Variants in LRRFIP1 observed in about 807,000 individuals in gnomAD.
LRRFIP1 encodes the protein leucine-rich repeat flightless-interacting protein 1.
In LRRFIP1, 62 loss-of-function variants were observed where a neutral mutation model predicts 104.4. That is an observed-to-expected ratio of 0.59 (90% CI 0.48 to 0.73). The LOEUF (loss-of-function observed/expected upper bound fraction) is 0.73, where lower values mean the gene tolerates loss of function less well. Ranked by LOEUF, LRRFIP1 falls within the 30% of genes least tolerant of loss-of-function variation. The pLI is 0.00. For missense variants in LRRFIP1, 796 were observed against 824.5 expected (o/e 0.97, Z 0.42); for synonymous variants, 300 against 299.0 (o/e 1.00, Z -0.03).
At chr2:237,774,840 G>A (rs998224207) in intron 23 of LRRFIP1, among the ~76,000 whole-genome samples, 1 of 152,252 alleles carries the variant, frequency 6.6e-6, no homozygotes, top group African/African-American at 2.4e-5. Context: ...GCCAAGAGCT[G>A]GGTGTGGCAC....
chr2:237,748,420 C>CT, intron 12 of LRRFIP1, 21 bp downstream of exon 12: 1 of 1,581,690 alleles, frequency 6.3e-7, no homozygotes, highest in Non-Finnish European at 8.6e-7. Flanking sequence ...GTTCATAAAC[C>CT]TAGAGGGTCC....
chr2:237,749,845 G>T (rs1227082919), intron 13 of LRRFIP1, among the ~76,000 whole-genome samples: 1 of 151,984 alleles, frequency 6.6e-6, no homozygotes, highest in African/African-American at 2.4e-5. Flanking sequence ...ATTATTCTCT[G>T]CTCTATCCTC....
chr2:237,747,045 C>T (rs1257745073), intron 11 of LRRFIP1, among the ~76,000 whole-genome samples: 1 of 152,218 alleles, frequency 6.6e-6, no homozygotes, highest in Admixed American at 6.5e-5. Context: ...TTTTTGAACA[C>T]CCAGGTGTGG....
chr2:237,776,018 G>A lies in LRRFIP1; in HGVS notation c.1812+1556G>A, dbSNP rs1421870888. 2.0e-5 allele frequency among the ~76,000 whole-genome samples: 3 copies of A among 151,896 alleles called. No homozygotes were observed. The South Asian group carries it at 6.2e-4, about 32-fold the overall frequency. Reference sequence around the variant, plus strand: ...GTCTGACTCTTGCCCAGGCTGGAGTGCAATGGCGCCATCTCGGCTCACTGC... The same window carrying A: ...GTCTGACTCTTGCCCAGGCTGGAGTACAATGGCGCCATCTCGGCTCACTGC... On this transcript the variant is annotated intron_variant, in intron 23 of 23. Coordinates refer to ENST00000308482, the MANE Select transcript of LRRFIP1 (RefSeq NM_001137550.2).
chr2:237,652,478 G>A (rs917891333), intron 1 of LRRFIP1, among the ~76,000 whole-genome samples: 1 of 152,222 alleles, frequency 6.6e-6, no homozygotes, highest in African/African-American at 2.4e-5. Context: ...GATGAGAGCT[G>A]GTTCAGTGGA....
At chr2:237,769,661 T>C (rs2060457745) in intron 19 of LRRFIP1, 4 of 397,634 alleles carry the variant, frequency 1.0e-5, no homozygotes, top group African/African-American at 4.0e-5. Context: ...GGTTTGGCCC[T>C]AGCGTTCTTG....
At chr2:237,720,680 C>A in intron 5 of LRRFIP1, 92 bp from the exon 6 acceptor site, 2 of 1,145,568 alleles carry the variant, frequency 1.7e-6, no homozygotes, top group Non-Finnish European at 2.6e-6. Flanking sequence ...GGGTTGGGGT[C>A]AGTTCCCAGC....
chr2:237,724,015 G>A (rs116207596), intron 7 of LRRFIP1, among the ~76,000 whole-genome samples: 2,023 of 150,296 alleles, frequency 0.013, 24 homozygotes, highest in African/African-American at 0.045. Context: ...TTATTTTCCA[G>A]TCTATATCCA....
intron 8 of LRRFIP1, chr2:237,729,721 C>T: frequency 1.2e-6 from 1 of 852,846 alleles, no homozygotes; most frequent in South Asian, 5.4e-5. Flanking sequence ...GATGGGGGTG[C>T]TTTTGGAGTC....
chr2:237,708,910 C>A, intron 2 of LRRFIP1: 1 of 561,116 alleles, frequency 1.8e-6, no homozygotes, highest in Non-Finnish European at 3.4e-6. Flanking sequence ...CCAAAATGTT[C>A]AGGGTCTGAG....
rs2060776362 is a variant in LRRFIP1, at chr2:237,772,958, A to C, written c.1707+13A>C. On this transcript the variant is annotated intron_variant, in intron 22 of 23. Transcript: ENST00000308482. The stretch of plus-strand genomic sequence containing the variant: ...ATTAGAACAAAATGTACGTGTAAGC[A>C]ACAACGGGCAGAACTGATGATTGAC... The C allele has an allele frequency of 1.6e-5, 26 of 1,597,230 alleles. No individual in the cohort carries two copies. Among genetic ancestry groups the C allele is most frequent in the Non-Finnish European group, 2.1e-5 (25 of 1,164,722 alleles).
intron 15 of LRRFIP1, among the ~76,000 whole-genome samples, chr2:237,755,283 T>C (rs757295296): frequency 7.2e-5 from 11 of 152,042 alleles, no homozygotes; most frequent in Non-Finnish European, 1.3e-4. Flanking sequence ...TCCCCCAAAC[T>C]CTCCTGTTTT....
chr2:237,773,673 C>T (rs1035862696), intron 22 of LRRFIP1, among the ~76,000 whole-genome samples: 1 of 152,236 alleles, frequency 6.6e-6, no homozygotes, highest in Non-Finnish European at 1.5e-5. Context: ...ACATGGGGCA[C>T]TCCTGCCTCT....
intron 8 of LRRFIP1, among the ~76,000 whole-genome samples, chr2:237,730,575 G>T (rs2094955468): frequency 6.6e-6 from 1 of 152,154 alleles, no homozygotes; most frequent in Non-Finnish European, 1.5e-5. Context: ...AGATAGAATG[G>T]GAGGGAGACA....
At chr2:237,648,634 T>G (rs763025633) in intron 1 of LRRFIP1, among the ~76,000 whole-genome samples, 1 of 151,350 alleles carries the variant, frequency 6.6e-6, no homozygotes, top group African/African-American at 2.4e-5. Flanking sequence ...GGGGGAGTCA[T>G]ATAAACTCAA....
chr2:237,740,024 G>A (rs574559706), intron 11 of LRRFIP1, among the ~76,000 whole-genome samples: 39 of 152,188 alleles, frequency 2.6e-4, no homozygotes, highest in Non-Finnish European at 7.4e-5. Context: ...CCAGACCAGC[G>A]TTCCCACCCT....
chr2:237,764,150 G>C, intron 19 of LRRFIP1: 1 of 1,614,168 alleles, frequency 6.2e-7, no homozygotes, highest in East Asian at 2.2e-5. Flanking sequence ...AGCTGAGGCA[G>C]GCGGCAGGCG....
intron 16 of LRRFIP1, 23 bp downstream of exon 16, chr2:237,756,210 T>C (rs1489836316): frequency 1.3e-6 from 2 of 1,583,822 alleles, no homozygotes; most frequent in East Asian, 2.2e-5. Context: ...CTCCTGCTTT[T>C]CTTTTCCTTT....
intron 1 of LRRFIP1, among the ~76,000 whole-genome samples, chr2:237,694,126 A>G (rs902375477): frequency 9.2e-5 from 14 of 152,184 alleles, no homozygotes; most frequent in African/African-American, 3.4e-4. Flanking sequence ...ATGGGGGGCT[A>G]GTTTTGGTCT....
Sources: gnomAD v4.1 joint callset for allele counts (sites outside exome capture counted in the v4.1 genomes callset) on GRCh38, gnomAD v4.1.1 for gene constraint, MANE v1.5 for transcripts, NCBI Gene and HGNC (gene_info 2026-07-23, HGNC 2026-07-21) for gene names.